The following CDH9 variants were observed in gnomAD, a reference collection of about 807,000 sequenced individuals.
CDH9 encodes cadherin 9.
A neutral mutation model predicts 70.9 loss-of-function variants in CDH9; 28 were observed. The ratio of observed to expected loss-of-function variants is 0.40; its 90% CI spans 0.29 to 0.54. The LOEUF is 0.54. Ranked by LOEUF, CDH9 falls within the 20% of genes least tolerant of loss-of-function variation. The probability of loss-of-function intolerance (pLI) is 0.59; values close to 1 mark genes in which losing one functional copy is unlikely to be tolerated. For missense variants in CDH9, 874 were observed against 984.4 expected, an observed-to-expected ratio of 0.89 and a Z score of 1.50; for synonymous variants, 409 against 343.1, an observed-to-expected ratio of 1.19 and a Z score of -2.12.
intron 11 of CDH9, among the ~76,000 whole-genome samples, chr5:26,883,042 T>TAGAGATAG (rs10536720): frequency 2.3e-4 from 2 of 8,766 alleles, no homozygotes; most frequent in South Asian, 4.6e-3. Context: ...AGGATCATCT[T>TAGAGATAG]ATATATATAT....
At chr5:26,954,388 C>CTTTTTTTTTCTTTTTTTTTTTTTT (rs1741904134) in intron 2 of CDH9, among the ~76,000 whole-genome samples, 1 of 93,066 alleles carries the variant, frequency 1.1e-5, no homozygotes, top group African/African-American at 4.7e-5. Flanking sequence ...TACAGCCTTT[C>CTTTTTTTTTCTTTTTTTTTTTTTT]TTTTTTTTTT....
chr5:26,968,046 C>G (rs902541141), intron 2 of CDH9, among the ~76,000 whole-genome samples: 1 of 152,020 alleles, frequency 6.6e-6, no homozygotes, highest in Admixed American at 6.6e-5. Context: ...TTTGCATCAT[C>G]ATTTATTAAA....
chr5:26,885,977 A>G lies in CDH9; in HGVS notation c.1619T>C (p.Val540Ala). Reference protein sequence around the residue: ...EFTLNPNFTIVDNKDNTAGIM... With the variant: ...EFTLNPNFTIADNKDNTAGIM... ...AAATTTTCTTATACCTTTATTATCT[A>G]CAATGGTGAAATTCGGATTGAGAGT... The change falls in exon 10 of 12, where the codon GTA becomes GCA. Residue 540 changes from valine to alanine, a missense_variant. Physicochemically the swap from Val to Ala is moderately conservative, Grantham distance 64. Transcript: ENST00000231021. 1 of 1,607,446 alleles carries G rather than the reference A, an allele frequency of 6.2e-7. No homozygotes were observed. Among genetic ancestry groups the G allele is most frequent in the Non-Finnish European group, 8.5e-7 (1 of 1,177,132 alleles).
chr5:26,975,525 A>T (rs1230941735), intron 2 of CDH9, among the ~76,000 whole-genome samples: 1 of 152,124 alleles, frequency 6.6e-6, no homozygotes, highest in African/African-American at 2.4e-5. Context: ...CATTTGAAAA[A>T]TTTTTAAATA....
intron 2 of CDH9, among the ~76,000 whole-genome samples, chr5:26,940,028 G>A (rs765360786): frequency 6.6e-6 from 1 of 151,890 alleles, no homozygotes; most frequent in Non-Finnish European, 1.5e-5. Flanking sequence ...GCATGGTGGT[G>A]CATGCCTGTA....
chr5:26,957,425 G>T (rs752142109), intron 2 of CDH9, among the ~76,000 whole-genome samples: 33 of 152,100 alleles, frequency 2.2e-4, no homozygotes, highest in Admixed American at 3.9e-4. Flanking sequence ...ACTTTGGGAG[G>T]CCAAGGCGGG....
chr5:26,988,570 C>T (rs985674082), intron 1 of CDH9, among the ~76,000 whole-genome samples, 188 bp from the exon 2 acceptor site: 7 of 151,832 alleles, frequency 4.6e-5, no homozygotes, highest in Non-Finnish European at 1.0e-4. Context: ...AAGACATATA[C>T]AACTCAAGTA....
At chr5:26,981,413 G>A (rs1742397245) in intron 2 of CDH9, among the ~76,000 whole-genome samples, 1 of 152,086 alleles carries the variant, frequency 6.6e-6, no homozygotes, top group African/African-American at 2.4e-5. Context: ...TGTTTAGGGA[G>A]TAATGACAAG....
At chr5:26,993,294 C>T (rs1221724361) in intron 1 of CDH9, among the ~76,000 whole-genome samples, 3 of 151,946 alleles carry the variant, frequency 2.0e-5, no homozygotes, top group South Asian at 2.1e-4. Flanking sequence ...CAGTGTTTTA[C>T]AGAATGTAGA....
intron 7 of CDH9, among the ~76,000 whole-genome samples, chr5:26,901,760 A>G (rs1740858248): frequency 6.6e-6 from 1 of 151,878 alleles, no homozygotes; most frequent in Non-Finnish European, 1.5e-5. Flanking sequence ...CCCTTTGAAC[A>G]ATATATGAGA....
At chr5:26,883,887 A>G (rs984871028) in intron 11 of CDH9, among the ~76,000 whole-genome samples, 3 of 152,092 alleles carry the variant, frequency 2.0e-5, no homozygotes, top group Non-Finnish European at 1.5e-5. Context: ...TTTCTTCAAA[A>G]TGTACGAAAG....
At chr5:26,897,808 G>T (rs548689696) in intron 7 of CDH9, among the ~76,000 whole-genome samples, 1 of 152,186 alleles carries the variant, frequency 6.6e-6, no homozygotes, top group African/African-American at 2.4e-5. Context: ...ACATAGTATT[G>T]GAAGTTCAAG....
At chr5:26,883,073 ATATATATATATATATATATAT>A (rs1358755904) in intron 11 of CDH9, among the ~76,000 whole-genome samples, 2 of 130,140 alleles carry the variant, frequency 1.5e-5, no homozygotes, top group African/African-American at 5.8e-5. Context: ...ATATATATAT[ATATATATATATATATATATAT>A]AAAACTGCAG....
intron 2 of CDH9, among the ~76,000 whole-genome samples, chr5:26,964,724 T>C (rs1028283473): frequency 1.3e-5 from 2 of 152,090 alleles, no homozygotes; most frequent in African/African-American, 4.8e-5. Context: ...GTTGGTTTGC[T>C]GCACCCATCA....
chr5:27,025,563 A>G (rs756184000), intron 1 of CDH9, among the ~76,000 whole-genome samples: 1 of 152,082 alleles, frequency 6.6e-6, no homozygotes, highest in Non-Finnish European at 1.5e-5. Flanking sequence ...GAAGCAATAG[A>G]CAAAGTGCTA....
chr5:27,029,827 G>A (rs571991650), intron 1 of CDH9, among the ~76,000 whole-genome samples: 2 of 151,904 alleles, frequency 1.3e-5, no homozygotes, highest in African/African-American at 2.4e-5. Flanking sequence ...GTGGTGTTTT[G>A]AGAAGCATTG....
rs994645312 is a variant in CDH9 at position 27,027,559 on chromosome 5, A to G, written c.-50+10904T>C. The stretch of plus-strand genomic sequence containing the variant: ...TTGCACAGGAAGCTCCTGGAGCCCC[A>G]AGGCATTAGAAGACTTTCTCAAACT... On this transcript the variant is annotated intron_variant, in intron 1 of 11. Transcript: ENST00000231021. 5.3e-5 allele frequency among the ~76,000 whole-genome samples: 8 copies of G among 152,184 alleles called. No homozygotes were observed. In the East Asian group the frequency reaches 1.2e-3, roughly 22 times the overall value.
intron 2 of CDH9, among the ~76,000 whole-genome samples, chr5:26,920,165 A>G (rs914889353): frequency 1.3e-5 from 2 of 151,810 alleles, no homozygotes; most frequent in Non-Finnish European, 2.9e-5. Context: ...GAAGGGAGAG[A>G]CCCAGGCCTG....
chr5:26,902,542 A>G lies in CDH9; in HGVS notation c.1187T>C (p.Val396Ala), dbSNP rs1740874063. Residue 396 changes from valine to alanine, a missense_variant, in exon 7 of 12, where the codon GTA becomes GCA. By Grantham distance (64) the Val-to-Ala change is moderately conservative. Transcript: ENST00000231021. ...VSYLIEVDED[V>A]KEGSIIGQVT... ...CTGTCCAATGATACTGCCCTCCTTT[A>G]CATCTTCATCTACTTCTATCAAGTA... 1.3e-6 allele frequency: 2 copies of G among 1,595,052 alleles called. No individual in the cohort carries two copies. Among genetic ancestry groups the G allele is most frequent in the Non-Finnish European group, 1.7e-6 (2 of 1,163,116 alleles).
Sources: allele counts gnomAD v4.1 joint callset (sites outside exome capture counted in the v4.1 genomes callset), GRCh38; gene constraint gnomAD v4.1.1; transcripts MANE v1.5; gene names NCBI Gene and HGNC (gene_info 2026-07-23, HGNC 2026-07-21).